The following WWC1 variants were observed in gnomAD, a reference collection of about 807,000 sequenced individuals.
The protein encoded by WWC1 is WW and C2 domain containing 1.
In WWC1, 55 loss-of-function variants were observed where a neutral mutation model predicts 138.4. The ratio of observed to expected loss-of-function variants is 0.40; its 90% CI spans 0.32 to 0.50. The LOEUF (loss-of-function observed/expected upper bound fraction) is 0.50, where lower values mean the gene tolerates loss of function less well. Ranked by LOEUF, WWC1 falls within the 20% of genes least tolerant of loss-of-function variation. The probability of loss-of-function intolerance (pLI) is 0.72; values close to 1 mark genes in which losing one functional copy is unlikely to be tolerated. For missense variants in WWC1, 1,226 were observed against 1,420.4 expected, an observed-to-expected ratio of 0.86 and a Z score of 2.20; for synonymous variants, 524 against 564.9, an observed-to-expected ratio of 0.93 and a Z score of 1.03.
At chr5:168,326,898 A>G (rs1203069987) in intron 1 of WWC1, among the ~76,000 whole-genome samples, 1 of 152,160 alleles carries the variant, frequency 6.6e-6, no homozygotes, top group Admixed American at 6.5e-5. Context: ...CATGTGGGAA[A>G]GTTTATTCTG....
chr5:168,413,453 C>T (rs1780372060), intron 8 of WWC1, among the ~76,000 whole-genome samples: 1 of 152,170 alleles, frequency 6.6e-6, no homozygotes, highest in Admixed American at 6.5e-5. Context: ...TCACATAACC[C>T]ACCCTATAGG....
chr5:168,423,988 G>A lies in WWC1; in HGVS notation c.1730G>A (p.Cys577Tyr), dbSNP rs763234151. 1 of 1,614,066 alleles carries A rather than the reference G, an allele frequency of 6.2e-7. No homozygotes were observed. Among genetic ancestry groups the A allele is most frequent in the Non-Finnish European group, 8.5e-7 (1 of 1,180,004 alleles). Residue 577 changes from cysteine to tyrosine, a missense_variant, in exon 11 of 23, where the codon TGT (cysteine) becomes TAT (tyrosine). Around this residue, in one of 3 missense-constraint regions of WWC1, gnomAD observed 1,016 missense variants for 1,153.9 expected, o/e 0.88. Coordinates refer to ENST00000265293, the MANE Select transcript of WWC1 (RefSeq NM_015238.3). ...FEDPELSATL[C>Y]ELSLGNSAQE... ...GACCCGGAGCTGAGTGCCACTCTTT[G>A]TGAACTGAGCCTTGGTAACAGCGCC...
chr5:168,355,003 A>T (rs1405647502), intron 1 of WWC1, among the ~76,000 whole-genome samples: 1 of 152,198 alleles, frequency 6.6e-6, no homozygotes, highest in South Asian at 2.1e-4. Context: ...TGCTATGTTC[A>T]TTCAGCAGAT....
rs576183356 is a variant in WWC1 at position 168,385,278 on chromosome 5, C to G, written c.297C>G (p.Tyr99Ter). 1 of 1,614,132 alleles carries G rather than the reference C, an allele frequency of 6.2e-7. No homozygotes were observed. Residue 99 changes from tyrosine (Y) to a stop codon, truncating the protein, a stop_gained, in exon 3 of 23, where the codon TAC (tyrosine) becomes TAG (stop). Coordinates refer to ENST00000265293, the MANE Select transcript of WWC1 (RefSeq NM_015238.3). LOFTEE classifies it high-confidence loss of function. Reference protein sequence around the residue: ...RREQEHMLKDYLVVAQEALSA... With the variant: ...RREQEHMLKD Reference sequence around the variant, plus strand: ...AGCAGGAACATATGCTGAAGGATTACCTGGTGGTGGCCCAGGAGGCTCTGA... The same window carrying G: ...AGCAGGAACATATGCTGAAGGATTAGCTGGTGGTGGCCCAGGAGGCTCTGA...
chr5:168,417,439 C>T lies in WWC1; in HGVS notation c.1184+2849C>T, dbSNP rs371182591. On this transcript the variant is annotated intron_variant, in intron 9 of 22. Coordinates refer to ENST00000265293, the MANE Select transcript of WWC1 (RefSeq NM_015238.3). ...GCTCCCATCCTGTGCCAGACAGTAG[C>T]CTATATAATCTCATTTAAACCTCCC... Among the ~76,000 whole-genome samples the T allele has an allele frequency of 1.8e-3, 271 of 152,162 alleles. 2 individuals carry two copies. Among genetic ancestry groups the T allele is most frequent in the African/African-American group, 5.9e-3 (244 of 41,518 alleles).
intron 21 of WWC1, 46 bp downstream of exon 21, chr5:168,465,008 A>G (rs774865487): frequency 5.6e-6 from 9 of 1,599,506 alleles, no homozygotes; most frequent in Admixed American, 5.1e-5. Flanking sequence ...TCTGCCCCAG[A>G]GAGTCGGGGG....
intron 1 of WWC1, among the ~76,000 whole-genome samples, chr5:168,345,791 T>G (rs1274555451): frequency 2.0e-5 from 3 of 152,338 alleles, no homozygotes; most frequent in Admixed American, 1.3e-4. Context: ...TGATGACTCT[T>G]ATTTCTCTAA....
intron 1 of WWC1, among the ~76,000 whole-genome samples, chr5:168,350,050 C>G (rs1774816337): frequency 6.6e-6 from 1 of 152,110 alleles, no homozygotes; most frequent in Non-Finnish European, 1.5e-5. Flanking sequence ...AAGCTCTCAG[C>G]TAAATTGGAC....
At chr5:168,388,691 G>C (rs879593613) in intron 3 of WWC1, among the ~76,000 whole-genome samples, 1 of 151,938 alleles carries the variant, frequency 6.6e-6, no homozygotes, top group Non-Finnish European at 1.5e-5. Context: ...TTAGCTGGGC[G>C]TGGTGGCACG....
At chr5:168,397,173 C>T (rs939893965) in intron 3 of WWC1, among the ~76,000 whole-genome samples, 2 of 149,098 alleles carry the variant, frequency 1.3e-5, no homozygotes, top group Admixed American at 6.7e-5. Context: ...GATGGAGTCT[C>T]GCTCTGTCAC....
Position 168,467,850 on chromosome 5 carries a change from G to A in WWC1, c.3161G>A (p.Arg1054Gln), listed in dbSNP as rs771279028. Residue 1054 changes from arginine to glutamine, a missense_variant, in exon 22 of 23, where the codon CGA becomes CAA. Coordinates refer to ENST00000265293, the MANE Select transcript of WWC1 (RefSeq NM_015238.3). ...LRMLEKRQMDRAEHKGELQTD... is the reference protein window; with the variant it reads ...LRMLEKRQMDQAEHKGELQTD... ...GCTTGCTTTGCCCAGCAGATGGACC[G>A]AGCGGAGCACAAGGGTGAGCTTCAG... 7.4e-6 allele frequency: 12 copies of A among 1,614,038 alleles called. No individual in the cohort carries two copies. Among genetic ancestry groups the A allele is most frequent in the African/African-American group, 4.0e-5 (3 of 74,906 alleles).
In WWC1 at chr5:168,408,664, G is replaced by A. The variant is rs1451341306; in HGVS notation, c.867+11G>A. 7 of 1,613,502 alleles carry A rather than the reference G, an allele frequency of 4.3e-6. No individual in the cohort carries two copies. Among genetic ancestry groups the A allele is most frequent in the African/African-American group, 2.7e-5 (2 of 74,914 alleles). On this transcript the variant is annotated intron_variant, in intron 7 of 22. Transcript: ENST00000265293. ...GACATCTCGGGAAGCGTGAGTAGACGGGGCAGGTTGCTGGGGGCCTTCCAC... is the reference window on the plus strand; with the variant it reads ...GACATCTCGGGAAGCGTGAGTAGACAGGGCAGGTTGCTGGGGGCCTTCCAC...
Position 168,442,654 on chromosome 5 carries a change from T to C in WWC1, c.2433+820T>C, listed in dbSNP as rs1010284738. ...GAGTTTGAGACCACCCTGGCCAACA[T>C]GGTGAAACCCTGTCTCTACTAAAAT... On this transcript the variant is annotated intron_variant, in intron 16 of 22. Transcript: ENST00000265293. Among the ~76,000 whole-genome samples, 4 of 151,732 alleles carry C rather than the reference T, an allele frequency of 2.6e-5. No individual in the cohort carries two copies. The East Asian group carries it at 7.8e-4, about 30-fold the overall frequency.
chr5:168,351,955 T>C (rs1044167569), intron 1 of WWC1, among the ~76,000 whole-genome samples: 12 of 152,134 alleles, frequency 7.9e-5, no homozygotes, highest in African/African-American at 2.7e-4. Context: ...CTCTGTGCAG[T>C]AACCCTCCCG....
chr5:168,293,350 C>A (rs1769236556), intron 1 of WWC1, among the ~76,000 whole-genome samples: 1 of 152,068 alleles, frequency 6.6e-6, no homozygotes, highest in African/African-American at 2.4e-5. Context: ...TGTAAAGCAA[C>A]CAAGGTGAAT....
At chr5:168,353,873 G>A (rs1464135758) in intron 1 of WWC1, among the ~76,000 whole-genome samples, 3 of 152,172 alleles carry the variant, frequency 2.0e-5, no homozygotes, top group Non-Finnish European at 4.4e-5. Flanking sequence ...TGTTGTGAAA[G>A]TTTCATTTGG....
chr5:168,460,469 A>G (rs1341640184), intron 19 of WWC1, among the ~76,000 whole-genome samples, 181 bp from the exon 20 acceptor site: 1 of 152,254 alleles, frequency 6.6e-6, no homozygotes, highest in African/African-American at 2.4e-5. Flanking sequence ...CATCATGCAT[A>G]GTACATGCTT....
chr5:168,365,567 G>A (rs1776223154), intron 1 of WWC1, among the ~76,000 whole-genome samples: 1 of 152,170 alleles, frequency 6.6e-6, no homozygotes, highest in Non-Finnish European at 1.5e-5. Flanking sequence ...AATGCCCACC[G>A]TGGTCTCATG....
At chr5:168,465,047 C>T in intron 21 of WWC1, 85 bp downstream of exon 21, 1 of 1,507,574 alleles carries the variant, frequency 6.6e-7, no homozygotes, top group Non-Finnish European at 8.9e-7. Context: ...GAGGCCAGAG[C>T]TCATGATGCA....
Sources: gnomAD v4.1 joint callset for allele counts (sites outside exome capture counted in the v4.1 genomes callset) on GRCh38, gnomAD v4.1.1 for gene constraint, gnomAD v4.1.1 regional missense constraint, MANE v1.5 for transcripts, NCBI Gene and HGNC (gene_info 2026-07-23, HGNC 2026-07-21) for gene names.